Variants in PCDHA3 observed in about 807,000 individuals in gnomAD.
The protein encoded by PCDHA3 is protocadherin alpha 3, also known as protocadherin alpha-3.
Under a neutral mutation model 62.2 loss-of-function variants are expected in PCDHA3, and 41 were observed. The ratio of observed to expected loss-of-function variants is 0.66; its 90% CI spans 0.51 to 0.86. The LOEUF (loss-of-function observed/expected upper bound fraction) is 0.86, where lower values mean the gene tolerates loss of function less well. Among genes scored for constraint, PCDHA3 ranks in the 40% least tolerant of loss-of-function variants. PCDHA3 has a pLI of 0.00. For synonymous variants in PCDHA3, 640 were observed against 555.4 expected, an observed-to-expected ratio of 1.15 and a Z score of -2.14; for missense variants, 1,304 against 1,241.2, an observed-to-expected ratio of 1.05 and a Z score of -0.76.
rs2150292750 is a variant in PCDHA3, at chr5:140,838,829, G to C, written c.2394+35238G>C. ...TTCAGCTACTCAAGAAACTGAGGTG[G>C]GAGGATCACTTAAGCCAGGGAGGTC... On this transcript the variant is annotated intron_variant, in intron 1 of 3. Coordinates refer to ENST00000522353, the MANE Select transcript of PCDHA3 (RefSeq NM_018906.3). Among the ~76,000 whole-genome samples, 185 of 151,952 alleles carry C rather than the reference G, an allele frequency of 1.2e-3. 4 individuals carry two copies. Among genetic ancestry groups the C allele is most frequent in the African/African-American group, 4.4e-3 (182 of 41,404 alleles).
At chr5:140,856,911 T>C in intron 1 of PCDHA3, 2 of 1,595,928 alleles carry the variant, frequency 1.3e-6, no homozygotes, top group South Asian at 2.2e-5. Context: ...CCACCCACGA[T>C]AAGAAGGAAA....
intron 1 of PCDHA3, among the ~76,000 whole-genome samples, chr5:140,948,234 T>G (rs1011132417): frequency 6.6e-6 from 1 of 151,670 alleles, no homozygotes; most frequent in African/African-American, 2.4e-5. Flanking sequence ...TTAACTTGTA[T>G]TTTAGTAAAT....
At position 140,803,293 on chromosome 5, in the gene PCDHA3, A is replaced by G; in HGVS notation, c.2096A>G (p.Tyr699Cys). The G allele has an allele frequency of 1.2e-6, 2 of 1,614,074 alleles. No individual in the cohort carries two copies. Among genetic ancestry groups the G allele is most frequent in the African/African-American group, 1.3e-5 (1 of 75,070 alleles). ...GCTGCACTGGTGGATGTCAACGTGTACTTGATCGTCGCCATCTGCGCGGTG... is the reference window on the plus strand; with the variant it reads ...GCTGCACTGGTGGATGTCAACGTGTGCTTGATCGTCGCCATCTGCGCGGTG... The part of the protein sequence containing the change: ...PEAALVDVNV[Y>C]LIVAICAVSS... Residue 699 changes from tyrosine (Y) to cysteine (C), a missense_variant, in exon 1 of 4, where the codon TAC becomes TGC. Tyr to Cys is a radical substitution (Grantham distance 194). Transcript: ENST00000522353.
At position 141,010,065 on chromosome 5, in the gene PCDHA3, A is replaced by G; in HGVS notation, c.*128A>G. The stretch of plus-strand genomic sequence containing the variant: ...CTTAGAGACCTCAGAAATCTGCAGA[A>G]AGTTCCCTGTGTCTGTCTAGAACGC... On this transcript the variant is annotated 3_prime_UTR_variant, in exon 4 of 4. Coordinates refer to ENST00000522353, the MANE Select transcript of PCDHA3 (RefSeq NM_018906.3). The G allele has an allele frequency of 1.9e-6, 3 of 1,603,546 alleles. No homozygotes were observed. The highest frequency in any genetic ancestry group is 1.1e-5 in the South Asian group (1 of 89,360).
intron 1 of PCDHA3, chr5:140,850,527 T>C: frequency 6.3e-7 from 1 of 1,598,028 alleles, no homozygotes; most frequent in Non-Finnish European, 8.6e-7. Flanking sequence ...GGCGCCAAAG[T>C]CATCGTCGCG....
intron 1 of PCDHA3, chr5:140,805,353 T>C (rs528843045): frequency 7.5e-6 from 9 of 1,205,696 alleles, no homozygotes; most frequent in Non-Finnish European, 9.3e-6. Context: ...TGTAAAAATA[T>C]AGTTTGGGTC....
At chr5:140,851,277 A>G in intron 1 of PCDHA3, 1 of 1,055,352 alleles carries the variant, frequency 9.5e-7, no homozygotes, top group East Asian at 4.9e-5. Context: ...TGTATTGTTT[A>G]TAAGAAACCC....
At chr5:140,901,284 G>T (rs868936344) in intron 1 of PCDHA3, among the ~76,000 whole-genome samples, 1 of 152,046 alleles carries the variant, frequency 6.6e-6, no homozygotes, top group Admixed American at 6.6e-5. Flanking sequence ...AGAAATTTTT[G>T]CCCAGACTGA....
intron 1 of PCDHA3, among the ~76,000 whole-genome samples, chr5:140,937,334 G>T (rs1459343291): frequency 3.3e-5 from 5 of 152,092 alleles, no homozygotes; most frequent in African/African-American, 1.2e-4. Flanking sequence ...ACCGCGCCCG[G>T]CTTCTTCCAT....
intron 1 of PCDHA3, among the ~76,000 whole-genome samples, chr5:140,886,602 C>T (rs1167539535): frequency 6.6e-6 from 1 of 151,756 alleles, no homozygotes; most frequent in Non-Finnish European, 1.5e-5. Flanking sequence ...CCAAGGTGGG[C>T]GGATCAGGAG....
rs781934902 is a variant in PCDHA3 at position 140,802,997 on chromosome 5, C to G, written c.1800C>G (p.Asp600Glu). The change falls in exon 1 of 4, where the codon GAC (aspartate) becomes GAG (glutamate). Residue 600 changes from aspartate (D) to glutamate (E), a missense_variant. Physicochemically the swap from Asp to Glu is conservative, Grantham distance 45. Transcript: ENST00000522353. The part of the protein sequence containing the change: ...VVAKVRAVDA[D>E]SGYNAWLSYE... ...CGAAGGTGCGCGCAGTGGATGCAGACTCAGGCTACAACGCGTGGCTTTCGT... is the reference window on the plus strand; with the variant it reads ...CGAAGGTGCGCGCAGTGGATGCAGAGTCAGGCTACAACGCGTGGCTTTCGT... 1 of 1,614,040 alleles carries G rather than the reference C, an allele frequency of 6.2e-7. No individual in the cohort carries two copies. Among genetic ancestry groups the G allele is most frequent in the Non-Finnish European group, 8.5e-7 (1 of 1,179,936 alleles).
At chr5:140,842,602 G>C in intron 1 of PCDHA3, 1 of 1,547,148 alleles carries the variant, frequency 6.5e-7, no homozygotes, top group Non-Finnish European at 8.8e-7. Context: ...TGGTAACCGC[G>C]CGGGACGGGG....
In PCDHA3 at chr5:140,985,961, A is replaced by G. The variant is rs529433053; in HGVS notation, c.2542+3398A>G. ...TCACTGTGTTAGCCAGGATGGTCTCAATCTCCTGACCTCGTGATCCGCCCA... is the reference window on the plus strand; with the variant it reads ...TCACTGTGTTAGCCAGGATGGTCTCGATCTCCTGACCTCGTGATCCGCCCA... On this transcript the variant is annotated intron_variant, in intron 3 of 3. Transcript: ENST00000522353. 9.3e-3 allele frequency among the ~76,000 whole-genome samples: 1,411 copies of G among 151,982 alleles called. 12 individuals carry two copies. Among genetic ancestry groups the G allele is most frequent in the Non-Finnish European group, 0.015 (1,024 of 67,944 alleles).
intron 1 of PCDHA3, chr5:140,823,237 C>T: frequency 6.2e-7 from 1 of 1,613,560 alleles, no homozygotes; most frequent in Non-Finnish European, 8.5e-7. Flanking sequence ...GGAGAACGCC[C>T]TGGTGTCCTA....
At chr5:140,809,152 C>A (rs1554125030) in intron 1 of PCDHA3, 1 of 1,613,942 alleles carries the variant, frequency 6.2e-7, no homozygotes, top group East Asian at 2.2e-5. Context: ...AGGACCACGG[C>A]GAGCCCGCGC....
chr5:140,801,928 G>A lies in PCDHA3; in HGVS notation c.731G>A (p.Arg244Lys). The A allele has an allele frequency of 6.2e-7, 1 of 1,614,174 alleles. No individual in the cohort carries two copies. The highest frequency in any genetic ancestry group is 8.5e-7 in the Non-Finnish European group (1 of 1,180,042). The part of the protein sequence containing the change: ...DVNDNAPAFE[R>K]TIYKVRLLEN... Reference sequence around the variant, plus strand: ...AACGACAACGCCCCAGCGTTTGAGAGGACGATCTATAAAGTCAGATTACTC... The same window carrying A: ...AACGACAACGCCCCAGCGTTTGAGAAGACGATCTATAAAGTCAGATTACTC... Residue 244 changes from arginine (R) to lysine (K), a missense_variant, in exon 1 of 4, where the codon AGG becomes AAG. Arg to Lys is a conservative substitution (Grantham distance 26). Coordinates refer to ENST00000522353, the MANE Select transcript of PCDHA3 (RefSeq NM_018906.3).
intron 1 of PCDHA3, chr5:140,830,214 C>G (rs2150182827): frequency 2.5e-6 from 4 of 1,613,730 alleles, no homozygotes; most frequent in Non-Finnish European, 3.4e-6. Flanking sequence ...TGCGCGGTAT[C>G]CAGCCTGCTG....
chr5:140,980,657 A>G (rs553240428), intron 2 of PCDHA3, among the ~76,000 whole-genome samples: 2 of 151,966 alleles, frequency 1.3e-5, no homozygotes, highest in Non-Finnish European at 2.9e-5. Context: ...ATAAAATAAC[A>G]TAACTTCCTT....
chr5:140,808,288 A>C (rs558368173), intron 1 of PCDHA3: 1 of 1,614,276 alleles, frequency 6.2e-7, no homozygotes, highest in Non-Finnish European at 8.5e-7. Context: ...CACTGGGTAC[A>C]GTCATCGCCC....
Sources: allele counts gnomAD v4.1 joint callset (sites outside exome capture counted in the v4.1 genomes callset), GRCh38; gene constraint gnomAD v4.1.1; transcripts MANE v1.5; gene names NCBI Gene and HGNC (gene_info 2026-07-23, HGNC 2026-07-21).